MYCBP2: variants seen among roughly 807,000 people sequenced by gnomAD.
MYCBP2 encodes MYC binding protein 2.
MYCBP2 carries 120 observed loss-of-function variants against 525.3 expected under a neutral mutation model. The ratio of observed to expected loss-of-function variants is 0.23; its 90% CI spans 0.20 to 0.27. MYCBP2 has a LOEUF of 0.27. MYCBP2 is among the 10% of genes least tolerant of loss of function. MYCBP2 has a pLI of 1.00. For missense variants in MYCBP2, 4,149 were observed against 5,657.1 expected (o/e 0.73, Z 8.55); for synonymous variants, 1,894 against 1,955.8 (o/e 0.97, Z 0.83).
intron 30 of MYCBP2, among the ~76,000 whole-genome samples, chr13:77,187,271 T>C (rs1446505338): frequency 6.6e-6 from 1 of 152,196 alleles, no homozygotes; most frequent in Non-Finnish European, 1.5e-5. Flanking sequence ...GATCCTTATT[T>C]GAATCAAAAG....
At chr13:77,191,840 C>T in intron 27 of MYCBP2, 27 bp from the exon 28 acceptor site, 1 of 1,608,074 alleles carries the variant, frequency 6.2e-7, no homozygotes, top group South Asian at 1.1e-5. Flanking sequence ...GAGTCAAAAA[C>T]AATATTTTCT....
At position 77,326,826 on chromosome 13, in the gene MYCBP2, C is replaced by G. The variant is rs2082378256; in HGVS notation, c.-51G>C. ...GCCTCGTCCCCGCGGGCCGGGCGGG[C>G]AGACACGCGCGCGCACACACAGCCC... is the stretch of plus-strand genomic sequence containing the variant. On this transcript the variant is annotated 5_prime_UTR_variant, in exon 1 of 83. Coordinates refer to ENST00000544440, the MANE Select transcript of MYCBP2 (RefSeq NM_015057.5). The surrounding 1 kb of genome is among the most constrained non-coding windows in gnomAD (Gnocchi z 4.2). The G allele has an allele frequency of 7.3e-7, 1 of 1,376,500 alleles. No individual in the cohort carries two copies. The highest frequency in any genetic ancestry group is 1.5e-5 in the African/African-American group (1 of 65,096). 85.3% of individuals were successfully genotyped at this position (1,376,500 alleles called of 1,614,324 possible).
intron 39 of MYCBP2, among the ~76,000 whole-genome samples, chr13:77,169,288 C>T (rs1243995991): frequency 2.7e-5 from 4 of 149,172 alleles, no homozygotes; most frequent in East Asian, 2.0e-4. Context: ...CCCAGCAACT[C>T]GGGAGGCTGA....
intron 45 of MYCBP2, 71 bp downstream of exon 45, chr13:77,157,866 G>A: frequency 8.0e-7 from 1 of 1,251,782 alleles, no homozygotes; most frequent in Non-Finnish European, 1.1e-6. Context: ...ATATTCTAAT[G>A]ACTCCCCTCT....
chr13:77,165,857 G>A (rs749438016), intron 41 of MYCBP2, among the ~76,000 whole-genome samples: 10 of 152,188 alleles, frequency 6.6e-5, no homozygotes, highest in African/African-American at 1.2e-4. Context: ...GATCACAAGA[G>A]TAGTCCTGGT....
chr13:77,180,804 CA>C (rs2060147395), intron 33 of MYCBP2, among the ~76,000 whole-genome samples: 1 of 152,026 alleles, frequency 6.6e-6, no homozygotes, highest in African/African-American at 2.4e-5. Flanking sequence ...CCTACAGCCC[CA>C]GCTACTTGGG....
intron 40 of MYCBP2, among the ~76,000 whole-genome samples, chr13:77,166,976 TACACACACACACACACACAC>T (rs539593054): frequency 2.4e-4 from 31 of 127,140 alleles, no homozygotes; most frequent in African/African-American, 3.8e-4. Flanking sequence ...AACACACACA[TACACACACACACACACACAC>T]ACACACACAC....
chr13:77,263,825 A>G (rs957301475), intron 9 of MYCBP2, 36 bp from the exon 10 acceptor site: 1 of 1,611,926 alleles, frequency 6.2e-7, no homozygotes, highest in Non-Finnish European at 8.5e-7. Flanking sequence ...ATTACATTAC[A>G]TAAAGAGGTC....
chr13:77,096,536 G>A (rs1594495815), intron 56 of MYCBP2, 55 bp from the exon 57 acceptor site: 7 of 1,570,876 alleles, frequency 4.5e-6, no homozygotes, highest in African/African-American at 2.7e-5. Context: ...TTAATAGTTT[G>A]ATCCTTATTA....
Position 77,098,550 on chromosome 13 carries a change from A to T in MYCBP2, c.8604T>A (p.Arg2868=). ...VKTKLDPPRE[R]SKSDSYTLDP... is the part of the protein sequence containing the mutation. Reference sequence around the variant, plus strand: ...CAAGTGTGTAAGAGTCTGATTTAGAACGTTCCCGAGGAGGATCAAGCTTTG... The same window carrying T: ...CAAGTGTGTAAGAGTCTGATTTAGATCGTTCCCGAGGAGGATCAAGCTTTG... The change falls in exon 56 of 83, where the codon CGT becomes CGA. Residue 2868 remains arginine (R), a synonymous_variant. Coordinates refer to ENST00000544440, the MANE Select transcript of MYCBP2 (RefSeq NM_015057.5). The T allele has an allele frequency of 6.2e-7, 1 of 1,613,738 alleles. No homozygotes were observed. Among genetic ancestry groups the T allele is most frequent in the Non-Finnish European group, 8.5e-7 (1 of 1,179,810 alleles).
At chr13:77,167,296 T>C (rs1403412843) in intron 40 of MYCBP2, among the ~76,000 whole-genome samples, 4 of 152,062 alleles carry the variant, frequency 2.6e-5, no homozygotes, top group African/African-American at 9.7e-5. Flanking sequence ...GAAAAAATGG[T>C]TAGTTCCAAG....
intron 11 of MYCBP2, 79 bp from the exon 12 acceptor site, chr13:77,261,454 C>T: frequency 1.0e-6 from 1 of 998,056 alleles, no homozygotes; most frequent in East Asian, 2.6e-5. Flanking sequence ...AAAAAAAGGA[C>T]ATCAATATTT....
intron 15 of MYCBP2, among the ~76,000 whole-genome samples, chr13:77,245,585 A>T (rs561514574): frequency 2.0e-5 from 3 of 149,984 alleles, no homozygotes; most frequent in African/African-American, 7.4e-5. Context: ...GAAAGGGAAC[A>T]TCACATACTG....
chr13:77,317,538 A>T (rs1412645954), intron 1 of MYCBP2, among the ~76,000 whole-genome samples: 1 of 152,230 alleles, frequency 6.6e-6, no homozygotes, highest in African/African-American at 2.4e-5. Context: ...AAGCTGCAGG[A>T]TCTCATCATC....
In MYCBP2 at chr13:77,263,715, A is replaced by G; in HGVS notation, c.1506T>C (p.Ala502=). 1 of 1,613,162 alleles carries G rather than the reference A, an allele frequency of 6.2e-7. No homozygotes were observed. The highest frequency in any genetic ancestry group is 8.5e-7 in the Non-Finnish European group (1 of 1,179,388). The change falls in exon 10 of 83, where the codon GCT becomes GCC. Residue 502 remains alanine, a synonymous_variant. Coordinates refer to ENST00000544440, the MANE Select transcript of MYCBP2 (RefSeq NM_015057.5). ...TACCACAGGCATGTAAGCATTTTCT[A>G]GCCAGTTTAAGTTGCAATTCTTGCT... The part of the protein sequence containing the change: ...VLQQELQLKL[A]RKCLHACGIS...
chr13:77,252,696 T>C (rs1472030336), intron 14 of MYCBP2, among the ~76,000 whole-genome samples: 1 of 152,116 alleles, frequency 6.6e-6, no homozygotes, highest in East Asian at 1.9e-4. Flanking sequence ...AATAAACTCA[T>C]AGCATATATA....
chr13:77,283,359 T>G (rs542847119), intron 3 of MYCBP2, among the ~76,000 whole-genome samples: 2 of 152,274 alleles, frequency 1.3e-5, no homozygotes, highest in Admixed American at 1.3e-4. Flanking sequence ...CTATCAATCC[T>G]TAAGGCACTA....
rs776865497 is a variant in MYCBP2, at chr13:77,177,890, T to G, written c.5198A>C (p.Gln1733Pro). The G allele has an allele frequency of 1.9e-6, 3 of 1,613,912 alleles. No homozygotes were observed. Among genetic ancestry groups the G allele is most frequent in the Non-Finnish European group, 2.5e-6 (3 of 1,179,750 alleles). The change falls in exon 35 of 83, where the codon CAG (glutamine) becomes CCG (proline). Residue 1733 changes from glutamine to proline, a missense_variant. By Grantham distance (76) the Gln-to-Pro change is moderately conservative (BLOSUM62 -1). Around this residue, in one of 21 missense-constraint regions of MYCBP2, gnomAD observed 54 missense variants for 117.0 expected, o/e 0.46. Coordinates refer to ENST00000544440, the MANE Select transcript of MYCBP2 (RefSeq NM_015057.5). Reference sequence around the variant, plus strand: ...GTTCCCAGTGTTCCAACTTCTGCCCTGACTTGTTTTTGTAAATCGGTTAGC... The same window carrying G: ...GTTCCCAGTGTTCCAACTTCTGCCCGGACTTGTTTTTGTAAATCGGTTAGC... ...ASANRFTKTS[Q>P]GRSWNTGNGS...
rs147098289 is a variant in MYCBP2, at chr13:77,156,106, A to C, written c.6867T>G (p.Val2289=). ...CATCCCCATACTGGTCTTTTGTTTGAACAGTTATGGTGGTAGGCCAACCAC... is the reference window on the plus strand; with the variant it reads ...CATCCCCATACTGGTCTTTTGTTTGCACAGTTATGGTGGTAGGCCAACCAC... ...IRCGWPTTIT[V]QTKDQYGDVV... Residue 2289 remains valine, a synonymous_variant, in exon 46 of 83, where the codon GTT becomes GTG. Coordinates refer to ENST00000544440, the MANE Select transcript of MYCBP2 (RefSeq NM_015057.5). 8.1e-6 allele frequency: 13 copies of C among 1,613,924 alleles called. No homozygotes were observed. The highest frequency in any genetic ancestry group is 1.7e-5 in the Admixed American group (1 of 59,996).
Sources: gnomAD v4.1 joint callset for allele counts (sites outside exome capture counted in the v4.1 genomes callset) on GRCh38, gnomAD v4.1.1 for gene constraint, gnomAD v4.1.1 regional missense constraint, Gnocchi (gnomAD v3.1) non-coding constraint, MANE v1.5 for transcripts, NCBI Gene and HGNC (gene_info 2026-07-23, HGNC 2026-07-21) for gene names.